Variants in IRF2 observed in about 807,000 individuals in gnomAD.
IRF2 encodes the protein interferon regulatory factor 2.
Under a neutral mutation model 40.6 loss-of-function variants are expected in IRF2, and 15 were observed. The ratio of observed to expected loss-of-function variants is 0.37; its 90% CI spans 0.25 to 0.57. The LOEUF is 0.57. IRF2 is among the 20% of genes least tolerant of loss of function. IRF2 has a pLI of 0.77. For synonymous variants in IRF2, 151 were observed against 165.5 expected, an observed-to-expected ratio of 0.91 and a Z score of 0.67; for missense variants, 317 against 455.7, an observed-to-expected ratio of 0.70 and a Z score of 2.77.
intron 2 of IRF2, among the ~76,000 whole-genome samples, chr4:184,427,162 T>C (rs1433702344): frequency 2.0e-5 from 3 of 152,240 alleles, no homozygotes; most frequent in Admixed American, 2.0e-4. Context: ...TTCTTGTTTG[T>C]TTCTTTGGAA....
Position 184,449,653 on chromosome 4 carries a change from T to A in IRF2, c.-6-20583A>T, listed in dbSNP as rs111683056. On this transcript the variant is annotated intron_variant, in intron 1 of 8. Transcript: ENST00000393593. ...TGCCATCAAAAGAAGCGTGCACCAA[T>A]GCGTGGGAAATGCCATCTAGACAGG... 8.0e-3 allele frequency among the ~76,000 whole-genome samples: 1,218 copies of A among 152,332 alleles called. 17 individuals carry two copies. The highest frequency in any genetic ancestry group is 0.027 in the African/African-American group (1,131 of 41,578).
At chr4:184,396,534 A>AG (rs1736470899) in intron 7 of IRF2, among the ~76,000 whole-genome samples, 1 of 151,698 alleles carries the variant, frequency 6.6e-6, no homozygotes, top group Non-Finnish European at 1.5e-5. Context: ...CCTGGGCTCA[A>AG]GGGGATGCTC....
intron 5 of IRF2, among the ~76,000 whole-genome samples, chr4:184,412,005 TAAAAAAAAAA>T (rs35183333): frequency 4.2e-5 from 4 of 95,240 alleles, no homozygotes; most frequent in South Asian, 7.8e-4. Flanking sequence ...CTCCAAAGAT[TAAAAAAAAAA>T]AAAAAAAAAA....
chr4:184,466,660 TAGTG>T (rs1237149324), intron 1 of IRF2, among the ~76,000 whole-genome samples: 2 of 152,354 alleles, frequency 1.3e-5, no homozygotes, highest in South Asian at 4.1e-4. Flanking sequence ...GGGCCTCACA[TAGTG>T]AGTATCAGTT....
intron 1 of IRF2, 107 bp from the exon 2 acceptor site, chr4:184,429,177 GCT>G: frequency 1.3e-6 from 1 of 780,016 alleles, no homozygotes; most frequent in Non-Finnish European, 2.1e-6. Context: ...CTTTCCTGGG[GCT>G]GGGGACCAGG....
At chr4:184,432,661 G>C (rs1736406374) in intron 1 of IRF2, among the ~76,000 whole-genome samples, 1 of 152,194 alleles carries the variant, frequency 6.6e-6, no homozygotes, top group Admixed American at 6.5e-5. Flanking sequence ...CCAGTAGCTC[G>C]CAGGAACCCG....
chr4:184,438,996 G>A (rs1032390639), intron 1 of IRF2, among the ~76,000 whole-genome samples: 5 of 152,196 alleles, frequency 3.3e-5, no homozygotes, highest in Non-Finnish European at 5.9e-5. Flanking sequence ...GACGTTTAAC[G>A]TTTGGATGGA....
chr4:184,441,473 AC>A lies in IRF2; in HGVS notation c.-6-12404del, dbSNP rs1332690969. Among the ~76,000 whole-genome samples the A allele has an allele frequency of 2.0e-5, 3 of 152,324 alleles. No individual in the cohort carries two copies. The East Asian group carries it at 5.8e-4, about 29-fold the overall frequency. ...GTGACACCCCTGTAATGTTCCTGCT[AC>A]TGAAACAGCTTTGTTTTGGGAAAAG... On this transcript the variant is annotated intron_variant, in intron 1 of 8. Transcript: ENST00000393593.
chr4:184,421,351 G>A (rs1241156407), intron 2 of IRF2, among the ~76,000 whole-genome samples: 1 of 152,156 alleles, frequency 6.6e-6, no homozygotes, highest in Admixed American at 6.5e-5. Flanking sequence ...ATTCCTCGGT[G>A]TTCATTCTGT....
chr4:184,451,857 G>T (rs958086213), intron 1 of IRF2, among the ~76,000 whole-genome samples: 1 of 152,152 alleles, frequency 6.6e-6, no homozygotes, highest in South Asian at 2.1e-4. Context: ...TCTTTGTTCA[G>T]AGTGAAAGGC....
At chr4:184,462,279 G>C (rs1476853819) in intron 1 of IRF2, among the ~76,000 whole-genome samples, 1 of 152,202 alleles carries the variant, frequency 6.6e-6, no homozygotes, top group Non-Finnish European at 1.5e-5. Context: ...GTTTGGTTTA[G>C]TCTTTATTTT....
chr4:184,439,679 A>G (rs1001745277), intron 1 of IRF2, among the ~76,000 whole-genome samples: 2 of 152,220 alleles, frequency 1.3e-5, no homozygotes, highest in African/African-American at 4.8e-5. Context: ...TTGCCATTCT[A>G]TGCACAATTT....
chr4:184,405,576 C>T (rs954127404), intron 6 of IRF2, among the ~76,000 whole-genome samples: 1 of 152,184 alleles, frequency 6.6e-6, no homozygotes, highest in African/African-American at 2.4e-5. Context: ...TCAGCTCCTT[C>T]TCTTAGGGGC....
chr4:184,408,187 T>G lies in IRF2; in HGVS notation c.500A>C (p.Asn167Thr). ...GATGTTCACCGTACTATCCACTTCA[T>G]TTTTTATAGTTGAAGTCAGGACCGC... Reference protein sequence around the residue: ...EYAVLTSTIKNEVDSTVNIIV... With the variant: ...EYAVLTSTIKTEVDSTVNIIV... Residue 167 changes from asparagine to threonine, a missense_variant, in exon 6 of 9, where the codon AAT becomes ACT. Coordinates refer to ENST00000393593, the MANE Select transcript of IRF2 (RefSeq NM_002199.4). This position sits in a 1 kb window ranked among gnomAD's most constrained non-coding sequence, Gnocchi z 4.9. 6.2e-7 allele frequency: 1 copy of G among 1,608,798 alleles called. No homozygotes were observed. Among genetic ancestry groups the G allele is most frequent in the Non-Finnish European group, 8.5e-7 (1 of 1,175,102 alleles).
chr4:184,414,709 T>C (rs1737201489), intron 5 of IRF2, among the ~76,000 whole-genome samples: 1 of 152,220 alleles, frequency 6.6e-6, no homozygotes, highest in African/African-American at 2.4e-5. Context: ...TTGGGGGACA[T>C]ATAGCATGGA....
Position 184,429,134 on chromosome 4 carries a change from G to C in IRF2, c.-6-64C>G, listed in dbSNP as rs1737778824. 1.8e-5 allele frequency: 20 copies of C among 1,132,244 alleles called. No homozygotes were observed. The South Asian group carries it at 2.5e-4, about 14-fold the overall frequency. The allele number at this position is 1,132,244 out of a possible 1,614,324, so 70.1% of individuals were successfully genotyped here. ...CTCAGTGTGGTGTCTGCACTGCAGA[G>C]TTCTACACCCCGCCTGACTCTTTCC... is the stretch of plus-strand genomic sequence containing the variant. On this transcript the variant is annotated intron_variant, in intron 1 of 8. Coordinates refer to ENST00000393593, the MANE Select transcript of IRF2 (RefSeq NM_002199.4).
At chr4:184,418,796 G>A (rs1257351449) in intron 3 of IRF2, 88 bp from the exon 4 acceptor site, 3 of 1,133,028 alleles carry the variant, frequency 2.6e-6, no homozygotes, top group Non-Finnish European at 3.8e-6. Flanking sequence ...TGCTGGTCAG[G>A]CAGTATAAGG....
chr4:184,393,194 A>G (rs556836693), intron 7 of IRF2, among the ~76,000 whole-genome samples: 27 of 152,338 alleles, frequency 1.8e-4, no homozygotes, highest in African/African-American at 6.5e-4. Flanking sequence ...CACAGAGGAG[A>G]GAAAACAAAA....
At chr4:184,418,309 C>A in intron 4 of IRF2, 96 bp from the exon 5 acceptor site, 1 of 1,074,944 alleles carries the variant, frequency 9.3e-7, no homozygotes, top group South Asian at 1.3e-5. Flanking sequence ...TCTCAATGAA[C>A]CTGTTGCTTT....
Sources: allele counts gnomAD v4.1 joint callset (sites outside exome capture counted in the v4.1 genomes callset), GRCh38; gene constraint gnomAD v4.1.1; non-coding constraint Gnocchi (gnomAD v3.1); transcripts MANE v1.5; gene names NCBI Gene and HGNC (gene_info 2026-07-23, HGNC 2026-07-21).